LPAR1: variants seen among roughly 807,000 people sequenced by gnomAD.
LPAR1 encodes LPA receptor 1.
A neutral mutation model predicts 23.8 loss-of-function variants in LPAR1; 5 were observed. The observed-to-expected ratio is 0.21, with a 90% CI of 0.11 to 0.44. The LOEUF is 0.44. Ranked by LOEUF, LPAR1 falls within the 20% of genes least tolerant of loss-of-function variation. The pLI is 0.99. For synonymous variants in LPAR1, 160 were observed against 164.7 expected (o/e 0.97, Z 0.22); for missense variants, 311 against 482.8 (o/e 0.64, Z 3.33).
chr9:110,936,894 A>T (rs2094743373), intron 5 of LPAR1, among the ~76,000 whole-genome samples: 2 of 152,190 alleles, frequency 1.3e-5, no homozygotes, highest in South Asian at 4.1e-4. Context: ...ATAATTCAAG[A>T]CATGCCATGG....
At chr9:111,027,741 G>C (rs756822356) in intron 2 of LPAR1, among the ~76,000 whole-genome samples, 1 of 151,710 alleles carries the variant, frequency 6.6e-6, no homozygotes, top group Non-Finnish European at 1.5e-5. Flanking sequence ...TGGATACCTA[G>C]GAAAGAACAT....
chr9:110,883,972 G>A (rs2081613026), intron 5 of LPAR1, among the ~76,000 whole-genome samples: 1 of 143,160 alleles, frequency 7.0e-6, no homozygotes, highest in South Asian at 2.1e-4. Flanking sequence ...CCATTTTCTA[G>A]AGTGTATCCA....
At chr9:110,989,821 A>G (rs1564269191) in intron 2 of LPAR1, among the ~76,000 whole-genome samples, 2 of 152,098 alleles carry the variant, frequency 1.3e-5, no homozygotes, top group African/African-American at 2.4e-5. Flanking sequence ...TGGATAAAAA[A>G]GCAAGACACA....
chr9:110,883,544 G>A (rs756658639), intron 5 of LPAR1, among the ~76,000 whole-genome samples: 6 of 152,098 alleles, frequency 3.9e-5, no homozygotes, highest in Non-Finnish European at 7.4e-5. Context: ...ATGCACACAC[G>A]TAAATAGAAT....
At chr9:111,006,249 T>C (rs897530875) in intron 2 of LPAR1, among the ~76,000 whole-genome samples, 3 of 152,212 alleles carry the variant, frequency 2.0e-5, no homozygotes, top group Non-Finnish European at 4.4e-5. Context: ...AAAGTGCTGG[T>C]AATATAATCT....
In LPAR1 at chr9:111,038,114, C is replaced by T. The variant is rs1301672171; in HGVS notation, c.-262+53G>A. 6.6e-6 allele frequency: 1 copy of T among 151,280 alleles called. No homozygotes were observed. The highest frequency in any genetic ancestry group is 1.5e-5 in the Non-Finnish European group (1 of 67,754). 9.4% of individuals were successfully genotyped at this position (151,280 alleles called of 1,614,324 possible). ...GCGGGCCGAGCAGTCGCCGCGGCCT[C>T]TGGCTTCGCGCCCAGGGGGCGCCGT... is the stretch of plus-strand genomic sequence containing the variant. On this transcript the variant is annotated intron_variant, in intron 1 of 5. Coordinates refer to ENST00000683809, the MANE Select transcript of LPAR1 (RefSeq NM_001351411.2). The surrounding 1 kb of genome is among the most constrained non-coding windows in gnomAD (Gnocchi z 4.4).
intron 5 of LPAR1, among the ~76,000 whole-genome samples, chr9:110,899,671 G>A (rs1378176776): frequency 6.6e-6 from 1 of 152,202 alleles, no homozygotes; most frequent in Non-Finnish European, 1.5e-5. Flanking sequence ...GATTCAGTAG[G>A]TCTGGAGTGG....
chr9:110,932,023 T>C (rs1448318319), intron 5 of LPAR1, among the ~76,000 whole-genome samples: 2 of 152,186 alleles, frequency 1.3e-5, no homozygotes, highest in Admixed American at 1.3e-4. Flanking sequence ...CACTGGAACT[T>C]AGCCTTAAAA....
intron 5 of LPAR1, among the ~76,000 whole-genome samples, chr9:110,885,723 T>C (rs1405539447): frequency 6.6e-6 from 1 of 152,240 alleles, no homozygotes; most frequent in African/African-American, 2.4e-5. Context: ...TCTTGTCTTC[T>C]GATTTCTACC....
chr9:111,003,629 A>G (rs1014255845), intron 2 of LPAR1, among the ~76,000 whole-genome samples: 1 of 152,134 alleles, frequency 6.6e-6, no homozygotes, highest in Non-Finnish European at 1.5e-5. Flanking sequence ...TTTGGGGATC[A>G]GGGACTAAAA....
chr9:110,984,766 G>A (rs1481656295), intron 2 of LPAR1, among the ~76,000 whole-genome samples: 2 of 149,590 alleles, frequency 1.3e-5, no homozygotes, highest in Non-Finnish European at 3.0e-5. Flanking sequence ...TGATAGTAAC[G>A]GTGACAAAAA....
chr9:110,917,951 G>A (rs1007950194), intron 5 of LPAR1, among the ~76,000 whole-genome samples: 1 of 152,116 alleles, frequency 6.6e-6, no homozygotes, highest in Admixed American at 6.5e-5. Context: ...CACCCAGGCT[G>A]TAGTACAGTG....
rs558374702 is a variant in LPAR1 at position 110,881,580 on chromosome 9, G to A, written c.794-5858C>T. Among the ~76,000 whole-genome samples, 3 of 152,074 alleles carry A rather than the reference G, an allele frequency of 2.0e-5. No individual in the cohort carries two copies. In the South Asian group the frequency reaches 6.2e-4, roughly 32 times the overall value. ...AGACTCTAACTCTCATCCTGCAACT[G>A]TACCTTGGAAAGTCCACATTGAAAT... On this transcript the variant is annotated intron_variant, in intron 5 of 5. Coordinates refer to ENST00000683809, the MANE Select transcript of LPAR1 (RefSeq NM_001351411.2).
chr9:110,959,230 G>T (rs1588541788), intron 4 of LPAR1, among the ~76,000 whole-genome samples: 1 of 148,088 alleles, frequency 6.8e-6, no homozygotes, highest in Non-Finnish European at 1.5e-5. Context: ...TCCCTCTACT[G>T]GCTATTTATC....
intron 2 of LPAR1, among the ~76,000 whole-genome samples, chr9:111,009,996 AAAATATATATATATATATAT>A (rs1216208042): frequency 0.054 from 5,907 of 108,876 alleles, 206 homozygotes; most frequent in Middle Eastern, 0.079. Flanking sequence ...CATAATTAGG[AAAATATATATATATATATAT>A]ATATATATAT....
chr9:110,949,803 G>A (rs1233036014), intron 4 of LPAR1, among the ~76,000 whole-genome samples: 1 of 152,126 alleles, frequency 6.6e-6, no homozygotes, highest in African/African-American at 2.4e-5. Context: ...TGGGGTGTGT[G>A]TATATATGAC....
At chr9:110,980,107 A>C (rs1215012640) in intron 2 of LPAR1, among the ~76,000 whole-genome samples, 1 of 152,174 alleles carries the variant, frequency 6.6e-6, no homozygotes, top group Non-Finnish European at 1.5e-5. Context: ...ATAATGGCCT[A>C]GTCAAAATCA....
At chr9:110,969,258 T>G (rs910421778) in intron 4 of LPAR1, among the ~76,000 whole-genome samples, 13 of 152,324 alleles carry the variant, frequency 8.5e-5, no homozygotes, top group African/African-American at 3.1e-4. Flanking sequence ...CATTATCCAT[T>G]TCCATTAATG....
chr9:111,006,441 C>G (rs1276193565), intron 2 of LPAR1, among the ~76,000 whole-genome samples: 2 of 152,186 alleles, frequency 1.3e-5, no homozygotes, highest in African/African-American at 4.8e-5. Flanking sequence ...TTAACTTATT[C>G]CTTCTTCCTT....
Sources: gnomAD v4.1 joint callset for allele counts (sites outside exome capture counted in the v4.1 genomes callset) on GRCh38, gnomAD v4.1.1 for gene constraint, Gnocchi (gnomAD v3.1) non-coding constraint, MANE v1.5 for transcripts, NCBI Gene and HGNC (gene_info 2026-07-23, HGNC 2026-07-21) for gene names.